Variants in MAP3K20 observed in about 807,000 individuals in gnomAD.
MAP3K20 encodes mitogen-activated protein kinase kinase kinase 20, also known as HCCS-4.
MAP3K20 carries 40 observed loss-of-function variants against 85.7 expected under a neutral mutation model. The ratio of observed to expected loss-of-function variants is 0.47; its 90% CI spans 0.36 to 0.61. The LOEUF is 0.61. MAP3K20 is among the 20% of genes least tolerant of loss of function. The pLI, the probability that MAP3K20 is intolerant of heterozygous loss-of-function variation, is 0.00. For missense variants in MAP3K20, 817 were observed against 961.7 expected (o/e 0.85, Z 1.99); for synonymous variants, 325 against 327.7 (o/e 0.99, Z 0.09).
Position 173,146,475 on chromosome 2 carries a change from C to T in MAP3K20, c.160-23330C>T, listed in dbSNP as rs936772786. ...AATTAAGTGTTTTATAATATATTCA[C>T]GGTTATGAAATCATCACCACAATCA... On this transcript the variant is annotated intron_variant, in intron 2 of 19. Coordinates refer to ENST00000375213, the MANE Select transcript of MAP3K20 (RefSeq NM_016653.3). Among the ~76,000 whole-genome samples the T allele has an allele frequency of 4.6e-5, 7 of 152,116 alleles. No homozygotes were observed. In the South Asian group the frequency reaches 8.3e-4, roughly 18 times the overall value.
chr2:173,196,561 A>G (rs202079343), intron 7 of MAP3K20, among the ~76,000 whole-genome samples: 18 of 152,278 alleles, frequency 1.2e-4, no homozygotes, highest in East Asian at 1.2e-3. Flanking sequence ...GCATCTGCCA[A>G]TTTCCCTGAT....
chr2:173,076,067 A>C (rs991559129), intron 1 of MAP3K20, 65 bp downstream of exon 1: 6 of 969,048 alleles, frequency 6.2e-6, no homozygotes, highest in Non-Finnish European at 7.4e-6. Context: ...CGCGCTCGCG[A>C]GTCGTCCCTG....
Position 173,261,048 on chromosome 2 carries a change from A to G in MAP3K20, c.1477-15A>G, listed in dbSNP as rs1225078239. 6.2e-7 allele frequency: 1 copy of G among 1,612,420 alleles called. No individual in the cohort carries two copies. Among genetic ancestry groups the G allele is most frequent in the Non-Finnish European group, 8.5e-7 (1 of 1,178,936 alleles). Reference sequence around the variant, plus strand: ...TGTGTTATGGTACTACACCATCCTAACTTTTGTTTTTCAGCCACCATTTGT... The same window carrying G: ...TGTGTTATGGTACTACACCATCCTAGCTTTTGTTTTTCAGCCACCATTTGT... On this transcript the variant is annotated splice_polypyrimidine_tract_variant and intron_variant, in intron 17 of 19. Transcript: ENST00000375213.
At chr2:173,226,586 T>C (rs553097303) in intron 11 of MAP3K20, 484 of 985,746 alleles carry the variant, frequency 4.9e-4, no homozygotes, top group Non-Finnish European at 5.7e-4. Flanking sequence ...TCAGGAAATC[T>C]AGAAGACTAG....
chr2:173,246,727 AT>A (rs1281062092), intron 16 of MAP3K20, among the ~76,000 whole-genome samples: 1 of 152,166 alleles, frequency 6.6e-6, no homozygotes, highest in African/African-American at 2.4e-5. Flanking sequence ...CCTCTCCCCA[AT>A]AAGGCAAAGG....
At chr2:173,115,160 G>A (rs911139545) in intron 2 of MAP3K20, among the ~76,000 whole-genome samples, 3 of 152,004 alleles carry the variant, frequency 2.0e-5, no homozygotes, top group Non-Finnish European at 4.4e-5. Context: ...CCTTGTCTTC[G>A]AGCTCTGAAT....
chr2:173,203,957 TCA>T (rs1683578753), intron 9 of MAP3K20, 87 bp downstream of exon 9: 1 of 1,275,414 alleles, frequency 7.8e-7, no homozygotes, highest in Non-Finnish European at 1.1e-6. Flanking sequence ...GTAATAAAAT[TCA>T]TTACAAAGCA....
Position 173,169,843 on chromosome 2 carries a change from C to A in MAP3K20, c.198C>A (p.Ile66=). Residue 66 remains isoleucine, a synonymous_variant, in exon 3 of 20, where the codon ATC becomes ATA. Coordinates refer to ENST00000375213, the MANE Select transcript of MAP3K20 (RefSeq NM_016653.3). ...GTGTCCTCAGTCACAGAAACATCAT[C>A]CAGTTTTATGGAGTAATTCTTGAAC... ...ILSVLSHRNI[I]QFYGVILEPP... 1.2e-6 allele frequency: 2 copies of A among 1,613,936 alleles called. No homozygotes were observed. The highest frequency in any genetic ancestry group is 1.7e-6 in the Non-Finnish European group (2 of 1,179,944).
chr2:173,266,399 T>C lies in MAP3K20; in HGVS notation c.2052T>C (p.Gly684=), dbSNP rs1031932236. 9 of 1,614,006 alleles carry C rather than the reference T, an allele frequency of 5.6e-6. No homozygotes were observed. The highest frequency in any genetic ancestry group is 7.6e-6 in the Non-Finnish European group (9 of 1,180,008). ...SDRSRNKYGR[G]SISLNSSPRG... is the part of the protein sequence containing the mutation. ...GAAGCAGGAACAAATATGGACGTGGTAGTATATCACTCAATTCTTCTCCTA... is the reference window on the plus strand; with the variant it reads ...GAAGCAGGAACAAATATGGACGTGGCAGTATATCACTCAATTCTTCTCCTA... Residue 684 remains glycine, a synonymous_variant, in exon 20 of 20, where the codon GGT becomes GGC. Coordinates refer to ENST00000375213, the MANE Select transcript of MAP3K20 (RefSeq NM_016653.3).
chr2:173,107,103 A>G (rs1264305411), intron 2 of MAP3K20, among the ~76,000 whole-genome samples: 2 of 152,162 alleles, frequency 1.3e-5, no homozygotes, highest in Non-Finnish European at 2.9e-5. Flanking sequence ...AGGGGAGTGA[A>G]CTAGGGATTG....
At chr2:173,129,049 G>C (rs916620716) in intron 2 of MAP3K20, among the ~76,000 whole-genome samples, 8 of 148,754 alleles carry the variant, frequency 5.4e-5, no homozygotes, top group Non-Finnish European at 1.2e-4. Flanking sequence ...TCAGCCTCCC[G>C]AGTAGCTGAG....
At chr2:173,223,766 G>A in intron 11 of MAP3K20, 2 of 985,340 alleles carry the variant, frequency 2.0e-6, no homozygotes, top group South Asian at 4.7e-5. Flanking sequence ...TCACACATAT[G>A]TACAAATACA....
chr2:173,095,246 A>G (rs957160178), intron 2 of MAP3K20, among the ~76,000 whole-genome samples: 4 of 151,582 alleles, frequency 2.6e-5, no homozygotes, highest in African/African-American at 9.7e-5. Flanking sequence ...TTTTTTTATG[A>G]TTTTCTTACT....
chr2:173,203,609 T>C (rs1167752684), intron 8 of MAP3K20, among the ~76,000 whole-genome samples, 187 bp from the exon 9 acceptor site: 1 of 152,220 alleles, frequency 6.6e-6, no homozygotes, highest in Non-Finnish European at 1.5e-5. Flanking sequence ...AGAAAAAGTA[T>C]GAGTCTTTAG....
chr2:173,080,074 C>T (rs1686972476), intron 1 of MAP3K20, among the ~76,000 whole-genome samples: 1 of 152,216 alleles, frequency 6.6e-6, no homozygotes, highest in African/African-American at 2.4e-5. Context: ...TCACCACAAA[C>T]ACATGAGTAA....
chr2:173,101,689 CGTAA>C (rs1687643390), intron 2 of MAP3K20, among the ~76,000 whole-genome samples: 1 of 152,024 alleles, frequency 6.6e-6, no homozygotes, highest in Admixed American at 6.6e-5. Context: ...AAAAGCAGCC[CGTAA>C]GTATTTCAGA....
At chr2:173,254,222 T>C (rs907017971) in intron 16 of MAP3K20, among the ~76,000 whole-genome samples, 1 of 151,266 alleles carries the variant, frequency 6.6e-6, no homozygotes, top group African/African-American at 2.4e-5. Flanking sequence ...GAGACCATCC[T>C]GGCTAACATG....
rs536361127 is a variant in MAP3K20 at position 173,115,041 on chromosome 2, AT to A, written c.159+23853del. ...ATTCTCTTCTTCCTCAGGAACACCA[AT>A]TATTCTAAGGTTTGGTCATTCAGCA... On this transcript the variant is annotated intron_variant, in intron 2 of 19. Transcript: ENST00000375213. Among the ~76,000 whole-genome samples the A allele has an allele frequency of 1.6e-4, 24 of 152,282 alleles. No homozygotes were observed. The East Asian group carries it at 4.4e-3, about 28-fold the overall frequency.
chr2:173,133,625 C>T (rs1040474451), intron 2 of MAP3K20, among the ~76,000 whole-genome samples: 1 of 152,098 alleles, frequency 6.6e-6, no homozygotes, highest in South Asian at 2.1e-4. Context: ...GGCTGTGCTT[C>T]AAAATGACGT....
Sources: allele counts gnomAD v4.1 joint callset (sites outside exome capture counted in the v4.1 genomes callset), GRCh38; gene constraint gnomAD v4.1.1; transcripts MANE v1.5; gene names NCBI Gene and HGNC (gene_info 2026-07-23, HGNC 2026-07-21).